The following ASAH2 variants were observed in gnomAD, a reference collection of about 807,000 sequenced individuals.
ASAH2 encodes the protein neutral ceramidase.
A neutral mutation model predicts 82.9 loss-of-function variants in ASAH2; 58 were observed. The ratio of observed to expected loss-of-function variants is 0.70; its 90% CI spans 0.57 to 0.87. The LOEUF is 0.87. Among genes scored for constraint, ASAH2 ranks in the 40% least tolerant of loss-of-function variants. The pLI is 0.00. For synonymous variants in ASAH2, 276 were observed against 289.7 expected (o/e 0.95, Z 0.48); for missense variants, 779 against 834.0 (o/e 0.93, Z 0.81).
chr10:50,201,995 T>C (rs1332147457), intron 16 of ASAH2, among the ~76,000 whole-genome samples: 1 of 152,138 alleles, frequency 6.6e-6, no homozygotes, highest in Non-Finnish European at 1.5e-5. Context: ...ATATTTATAA[T>C]TGACTGAAAT....
Position 50,210,866 on chromosome 10 carries a change from T to G in ASAH2, c.1371A>C (p.Ala457=). ...CTCCAACTCCATCAATAGTGCCAGC[T>G]GCAAAACTGTAGCCCAATGCTGGTT... ...TCKPALGYSF[A]AGTIDGVGGL... is the part of the protein sequence containing the mutation. The change falls in exon 12 of 21, where the codon GCA becomes GCC. Residue 457 remains alanine, a synonymous_variant. Coordinates refer to ENST00000682911, the MANE Select transcript of ASAH2 (RefSeq NM_019893.4). 2 of 1,613,420 alleles carry G rather than the reference T, an allele frequency of 1.2e-6. No individual in the cohort carries two copies. Among genetic ancestry groups the G allele is most frequent in the Non-Finnish European group, 8.5e-7 (1 of 1,179,606 alleles).
chr10:50,223,302 CA>C (rs1275650736), intron 7 of ASAH2, among the ~76,000 whole-genome samples: 6 of 152,102 alleles, frequency 3.9e-5, no homozygotes. Context: ...AAGGTAAAAG[CA>C]GATTCCATGC....
At chr10:50,193,601 T>C (rs1201254469) in intron 18 of ASAH2, among the ~76,000 whole-genome samples, 4 of 151,458 alleles carry the variant, frequency 2.6e-5, no homozygotes, top group African/African-American at 9.7e-5. Context: ...AACCTCATAA[T>C]TCAAAAGAAT....
At chr10:50,214,192 A>G (rs1845536825) in intron 9 of ASAH2, among the ~76,000 whole-genome samples, 1 of 152,190 alleles carries the variant, frequency 6.6e-6, no homozygotes, top group South Asian at 2.1e-4. Context: ...AGGTAAATAC[A>G]TAGGAGGAGG....
At chr10:50,211,258 C>G (rs1845447470) in intron 10 of ASAH2, 124 bp from the exon 11 acceptor site, 3 of 791,218 alleles carry the variant, frequency 3.8e-6, no homozygotes, top group Non-Finnish European at 6.4e-6. Flanking sequence ...TTTTGTTTTG[C>G]TGGTTGCTTA....
At chr10:50,226,967 A>T (rs1845902799) in intron 7 of ASAH2, among the ~76,000 whole-genome samples, 1 of 152,144 alleles carries the variant, frequency 6.6e-6, no homozygotes, top group Admixed American at 6.5e-5. Context: ...TATATATTTT[A>T]AAAATAGCTA....
At chr10:50,232,069 C>T (rs1846034011) in intron 7 of ASAH2, among the ~76,000 whole-genome samples, 1 of 152,108 alleles carries the variant, frequency 6.6e-6, no homozygotes, top group Admixed American at 6.6e-5. Context: ...GCCAAGTCAA[C>T]CTTACCTCAA....
intron 3 of ASAH2, 53 bp downstream of exon 3, chr10:50,245,169 A>C: frequency 7.1e-7 from 1 of 1,415,744 alleles, no homozygotes; most frequent in Non-Finnish European, 9.9e-7. Context: ...AGGTTGTAAA[A>C]TAATAAAATT....
chr10:50,222,223 G>T (rs1461900776), intron 7 of ASAH2, among the ~76,000 whole-genome samples: 1 of 152,164 alleles, frequency 6.6e-6, no homozygotes, highest in Non-Finnish European at 1.5e-5. Context: ...TGGCCACAAT[G>T]GTAACTATGG....
At chr10:50,214,504 C>T (rs935407169) in intron 9 of ASAH2, among the ~76,000 whole-genome samples, 3 of 152,090 alleles carry the variant, frequency 2.0e-5, no homozygotes. Context: ...TAATCTCTGA[C>T]AGTTACTGAA....
chr10:50,216,721 A>G (rs1179559919), intron 8 of ASAH2, among the ~76,000 whole-genome samples: 9 of 152,176 alleles, frequency 5.9e-5, no homozygotes, highest in African/African-American at 2.2e-4. Context: ...CTCTGCCTCA[A>G]CCCAACCACT....
At chr10:50,205,961 A>G (rs1292699750) in intron 13 of ASAH2, 21 bp downstream of exon 13, 30 of 1,550,290 alleles carry the variant, frequency 1.9e-5, no homozygotes, top group Non-Finnish European at 2.6e-5. Flanking sequence ...TAATTTCACT[A>G]TGATAACGAA....
chr10:50,247,842 A>G (rs1846508863), intron 2 of ASAH2, among the ~76,000 whole-genome samples: 2 of 152,106 alleles, frequency 1.3e-5, no homozygotes, highest in Admixed American at 6.6e-5. Context: ...CAACATTTTA[A>G]AAAATCATGA....
chr10:50,224,202 T>C (rs1845819834), intron 7 of ASAH2, among the ~76,000 whole-genome samples: 3 of 152,052 alleles, frequency 2.0e-5, no homozygotes, highest in Non-Finnish European at 4.4e-5. Flanking sequence ...CATTTGACAA[T>C]TAAAATAACT....
At chr10:50,250,505 CAGGA>C (rs1301509338) in intron 1 of ASAH2, among the ~76,000 whole-genome samples, 2 of 152,180 alleles carry the variant, frequency 1.3e-5, no homozygotes, top group African/African-American at 4.8e-5. Flanking sequence ...TTCCAGGAGT[CAGGA>C]AACACATCTA....
At chr10:50,227,636 G>GA (rs1380902403) in intron 7 of ASAH2, among the ~76,000 whole-genome samples, 6 of 151,254 alleles carry the variant, frequency 4.0e-5, no homozygotes, top group African/African-American at 1.2e-4. Flanking sequence ...AAAAAACTTA[G>GA]AAAAAAAAAA....
In ASAH2 at chr10:50,240,499, A is replaced by G. The variant is rs570850351; in HGVS notation, c.510+2703T>C. 2.2e-4 allele frequency: 155 copies of G among 702,274 alleles called. No homozygotes were observed. In the African/African-American group the frequency reaches 2.6e-3, roughly 12 times the overall value. The allele number at this position is 702,274 out of a possible 1,614,324, so 43.5% of individuals were successfully genotyped here. A position where few individuals can be genotyped will look rare whatever the true frequency, so the allele number is the denominator to read the frequency against. ...CTACCTGCTTAATCATCCTAAAACA[A>G]AATGGTGTTTACATCACTCCGCCAC... On this transcript the variant is annotated intron_variant, in intron 4 of 20. Transcript: ENST00000682911.
intron 7 of ASAH2, among the ~76,000 whole-genome samples, chr10:50,221,571 G>A (rs1030389862): frequency 7.3e-5 from 11 of 151,712 alleles, no homozygotes; most frequent in Admixed American, 6.6e-5. Flanking sequence ...GAGTGGTAAC[G>A]TTACCTGACC....
At chr10:50,247,558 T>C (rs1846496882) in intron 2 of ASAH2, among the ~76,000 whole-genome samples, 1 of 152,176 alleles carries the variant, frequency 6.6e-6, no homozygotes, top group Middle Eastern at 3.4e-3. Flanking sequence ...ATCCTCTGTG[T>C]TTGCCAGGAA....
Sources: allele counts gnomAD v4.1 joint callset (sites outside exome capture counted in the v4.1 genomes callset), GRCh38; gene constraint gnomAD v4.1.1; transcripts MANE v1.5; gene names NCBI Gene and HGNC (gene_info 2026-07-23, HGNC 2026-07-21).